Variants in SEC61A2 observed in about 807,000 individuals in gnomAD.
SEC61A2 encodes the protein protein transport protein Sec61 subunit alpha isoform 2.
SEC61A2 carries 28 observed loss-of-function variants against 59.9 expected under a neutral mutation model. That is an observed-to-expected ratio of 0.47 (90% CI 0.35 to 0.64). The LOEUF (loss-of-function observed/expected upper bound fraction) is 0.64. Ranked by LOEUF, SEC61A2 falls within the 30% of genes least tolerant of loss-of-function variation. The pLI is 0.01. For missense variants in SEC61A2, 340 were observed against 585.9 expected, an observed-to-expected ratio of 0.58 and a Z score of 4.33; for synonymous variants, 202 against 214.4, an observed-to-expected ratio of 0.94 and a Z score of 0.50.
At chr10:12,137,874 C>T (rs1407398048) in intron 3 of SEC61A2, among the ~76,000 whole-genome samples, 3 of 151,954 alleles carry the variant, frequency 2.0e-5, no homozygotes, top group Admixed American at 1.3e-4. Context: ...GGCATGGTGG[C>T]GTGCACATGT....
In SEC61A2 at chr10:12,162,352, C is replaced by A; in HGVS notation, c.1244+63C>A. On this transcript the variant is annotated intron_variant, in intron 11 of 11. Transcript: ENST00000298428. This position sits in a 1 kb window ranked among gnomAD's most constrained non-coding sequence, Gnocchi z 6.1. ...TTGTGTTTCAGTCTTTCAGTGTTGG[C>A]TAAATGTTTTTCTTTGTTCAAGTTC... 1 of 1,322,088 alleles carries A rather than the reference C, an allele frequency of 7.6e-7. No individual in the cohort carries two copies. Among genetic ancestry groups the A allele is most frequent in the Non-Finnish European group, 1.1e-6 (1 of 913,894 alleles). The allele number at this position is 1,322,088 out of a possible 1,614,324, so 81.9% of individuals were successfully genotyped here. A position where few individuals can be genotyped will look rare whatever the true frequency, so the allele number is the denominator to read the frequency against.
At chr10:12,146,899 T>C (rs1834153358) in intron 4 of SEC61A2, among the ~76,000 whole-genome samples, 2 of 151,992 alleles carry the variant, frequency 1.3e-5, no homozygotes, top group African/African-American at 2.4e-5. Flanking sequence ...GTTTAATTTT[T>C]TTTTATTCTT....
chr10:12,166,924 A>G, downstream of SEC61A2: 1 of 290,738 alleles, frequency 3.4e-6, no homozygotes, highest in South Asian at 3.1e-5. Context: ...GGTTCTGTTC[A>G]TGGTTTAACA....
At chr10:12,138,313 C>T (rs1358613464) in intron 3 of SEC61A2, among the ~76,000 whole-genome samples, 2 of 151,964 alleles carry the variant, frequency 1.3e-5, no homozygotes, top group Admixed American at 6.6e-5. Context: ...AATAGTCATC[C>T]ATATTTCTAC....
intron 4 of SEC61A2, among the ~76,000 whole-genome samples, chr10:12,144,304 G>A (rs1427129070): frequency 6.6e-6 from 1 of 152,110 alleles, no homozygotes; most frequent in Non-Finnish European, 1.5e-5. Flanking sequence ...ATCAATTGAG[G>A]CCTTTTCTTT....
chr10:12,161,601 C>T lies in SEC61A2; in HGVS notation c.1167+480C>T, dbSNP rs1171810470. The stretch of plus-strand genomic sequence containing the variant: ...ACTAAAAATACAAAAATTAGCTGGG[C>T]GTGGCAGCGCATGCCTGTAATCCCA... On this transcript the variant is annotated intron_variant, in intron 10 of 11. Coordinates refer to ENST00000298428, the MANE Select transcript of SEC61A2 (RefSeq NM_018144.4). The surrounding 1 kb of genome is among the most constrained non-coding windows in gnomAD (Gnocchi z 5.4). Among the ~76,000 whole-genome samples, 5 of 152,150 alleles carry T rather than the reference C, an allele frequency of 3.3e-5. No homozygotes were observed. Among genetic ancestry groups the T allele is most frequent in the Admixed American group, 6.5e-5 (1 of 15,284 alleles).
At chr10:12,134,922 A>G (rs536708358) in intron 2 of SEC61A2, among the ~76,000 whole-genome samples, 1 of 151,964 alleles carries the variant, frequency 6.6e-6, no homozygotes, top group East Asian at 1.9e-4. Context: ...CTGTCTCAAA[A>G]AAAAAAAAAA....
At position 12,153,770 on chromosome 10, in the gene SEC61A2, T is replaced by C. The variant is rs1834336226; in HGVS notation, c.463-2008T>C. 1.2e-6 allele frequency: 2 copies of C among 1,611,052 alleles called. No homozygotes were observed. On this transcript the variant is annotated intron_variant, in intron 6 of 11. Transcript: ENST00000298428. The surrounding 1 kb of genome is among the most constrained non-coding windows in gnomAD (Gnocchi z 5.2). ...TAACATTGAAAATATGTGGATACAC[T>C]GAAGAGCTATGATTGGATCAGTGTG...
chr10:12,141,781 G>A (rs1051067366), intron 3 of SEC61A2, among the ~76,000 whole-genome samples: 2 of 152,116 alleles, frequency 1.3e-5, no homozygotes, highest in African/African-American at 4.8e-5. Flanking sequence ...TTGCCCCAGG[G>A]GTCTGTCCTG....
chr10:12,166,141 G>A (rs1834681205), downstream of SEC61A2: 1 of 151,356 alleles, frequency 6.6e-6, no homozygotes, highest in East Asian at 1.9e-4. Context: ...CTCTTAGGAA[G>A]AAGGAGAGGA....
chr10:12,138,824 T>G (rs11257561), intron 3 of SEC61A2, among the ~76,000 whole-genome samples: 6 of 152,088 alleles, frequency 3.9e-5, no homozygotes, highest in African/African-American at 1.4e-4. Flanking sequence ...GCTATGAACA[T>G]TCATGTATAA....
Position 12,161,500 on chromosome 10 carries a change from C to T in SEC61A2, c.1167+379C>T, listed in dbSNP as rs956510731. 3.3e-5 allele frequency among the ~76,000 whole-genome samples: 5 copies of T among 152,018 alleles called. No individual in the cohort carries two copies. The highest frequency in any genetic ancestry group is 1.2e-4 in the African/African-American group (5 of 41,376). On this transcript the variant is annotated intron_variant, in intron 10 of 11. Coordinates refer to ENST00000298428, the MANE Select transcript of SEC61A2 (RefSeq NM_018144.4). The surrounding 1 kb of genome is among the most constrained non-coding windows in gnomAD (Gnocchi z 5.4). ...GTTCACGCCTGTAATCCCAGCACTT[C>T]GGGAGGCCGAGGTGGGCAGATCCCA...
chr10:12,154,689 CAAGTT>C lies in SEC61A2; in HGVS notation c.463-1087_463-1083del, dbSNP rs1834357219. The stretch of plus-strand genomic sequence containing the variant: ...CTCAGACTAAAAGCCTGTAAATAGA[CAAGTT>C]AGGCTCTGTCCAACTACTGAAATGG... On this transcript the variant is annotated intron_variant, in intron 6 of 11. Coordinates refer to ENST00000298428, the MANE Select transcript of SEC61A2 (RefSeq NM_018144.4). This position sits in a 1 kb window ranked among gnomAD's most constrained non-coding sequence, Gnocchi z 5.2. Among the ~76,000 whole-genome samples the C allele has an allele frequency of 6.6e-6, 1 of 152,170 alleles. No individual in the cohort carries two copies. Among genetic ancestry groups the C allele is most frequent in the South Asian group, 2.1e-4 (1 of 4,832 alleles).
chr10:12,166,385 A>G (rs973311813), downstream of SEC61A2: 2 of 159,022 alleles, frequency 1.3e-5, no homozygotes, highest in Non-Finnish European at 2.8e-5. Context: ...GGCTACCATT[A>G]CAGGAAGTAG....
chr10:12,169,282 G>T, downstream of SEC61A2: 1 of 1,553,680 alleles, frequency 6.4e-7, no homozygotes, highest in East Asian at 2.4e-5. This position sits in a 1 kb window ranked among gnomAD's most constrained non-coding sequence, Gnocchi z 4.8. Flanking sequence ...TAAGAAGGTG[G>T]AAGGGAGAAG....
intron 2 of SEC61A2, among the ~76,000 whole-genome samples, chr10:12,135,219 G>T (rs1181091854): frequency 6.6e-6 from 1 of 152,050 alleles, no homozygotes; most frequent in Non-Finnish European, 1.5e-5. Context: ...AAACCTAGAC[G>T]ACAAGTTGAT....
chr10:12,140,866 C>G (rs1564408984), intron 3 of SEC61A2, among the ~76,000 whole-genome samples: 1 of 151,760 alleles, frequency 6.6e-6, no homozygotes, highest in Non-Finnish European at 1.5e-5. Flanking sequence ...TCCCAAAGTG[C>G]TGGGATTACA....
chr10:12,157,543 G>A (rs1486756188), intron 8 of SEC61A2, among the ~76,000 whole-genome samples: 2 of 127,748 alleles, frequency 1.6e-5, no homozygotes, highest in East Asian at 2.3e-4. Flanking sequence ...TTGCTCTGTC[G>A]CCAGGCTGGA....
chr10:12,141,731 C>T (rs1834025069), intron 3 of SEC61A2, among the ~76,000 whole-genome samples: 1 of 152,148 alleles, frequency 6.6e-6, no homozygotes, highest in South Asian at 2.1e-4. Flanking sequence ...ACTAGGGCTT[C>T]TTAACAGTCG....
Sources: gnomAD v4.1 joint callset for allele counts (sites outside exome capture counted in the v4.1 genomes callset) on GRCh38, gnomAD v4.1.1 for gene constraint, Gnocchi (gnomAD v3.1) non-coding constraint, MANE v1.5 for transcripts, NCBI Gene and HGNC (gene_info 2026-07-23, HGNC 2026-07-21) for gene names.